Variants in MICAL2 observed in about 807,000 individuals in gnomAD.
The protein encoded by MICAL2 is microtubule associated monooxygenase, calponin and LIM domain containing 2.
A neutral mutation model predicts 127.3 loss-of-function variants in MICAL2; 77 were observed. The ratio of observed to expected loss-of-function variants is 0.60; its 90% CI spans 0.50 to 0.73. The LOEUF is 0.73. Ranked by LOEUF, MICAL2 falls within the 30% of genes least tolerant of loss-of-function variation. The pLI is 0.00. For synonymous variants in MICAL2, 570 were observed against 551.1 expected (o/e 1.03, Z -0.48); for missense variants, 1,351 against 1,434.4 (o/e 0.94, Z 0.94).
chr11:12,332,690 C>T (rs980538671), intron 32 of MICAL2, among the ~76,000 whole-genome samples: 1 of 152,140 alleles, frequency 6.6e-6, no homozygotes, highest in Non-Finnish European at 1.5e-5. Flanking sequence ...GGCACCTGTG[C>T]GTGCAGTGAG....
chr11:12,276,476 C>G (rs1221694950), intron 1 of MICAL2: 2 of 212,784 alleles, frequency 9.4e-6, no homozygotes, highest in Non-Finnish European at 1.8e-5. Context: ...GTCATGCTGA[C>G]TGTAGTGAGG....
At chr11:12,296,895 A>T (rs960373283), downstream of MICAL2, among the ~76,000 whole-genome samples, 1 of 152,000 alleles carries the variant, frequency 6.6e-6, no homozygotes, top group African/African-American at 2.4e-5. Context: ...CTTTTGTTTT[A>T]TAGCTGTACA....
chr11:12,262,566 G>C, intron 27 of MICAL2, 29 bp downstream of exon 27: 1 of 1,585,078 alleles, frequency 6.3e-7, no homozygotes, highest in South Asian at 1.1e-5. Flanking sequence ...AATTTTCAAA[G>C]AGTGGTACTA....
At chr11:12,345,812 C>CT (rs61318401) in intron 32 of MICAL2, among the ~76,000 whole-genome samples, 7,961 of 152,222 alleles carry the variant, frequency 0.052, 338 homozygotes, top group Admixed American at 0.11. Context: ...GAGAGGGTCT[C>CT]TCCATTTTGG....
At chr11:12,147,973 G>A (rs545893108) in intron 2 of MICAL2, among the ~76,000 whole-genome samples, 3 of 152,320 alleles carry the variant, frequency 2.0e-5, no homozygotes, top group Admixed American at 2.0e-4. Context: ...TAGACTCTGA[G>A]TTAGACGAAC....
At chr11:12,139,097 G>A (rs1382525295) in intron 2 of MICAL2, among the ~76,000 whole-genome samples, 1 of 152,110 alleles carries the variant, frequency 6.6e-6, no homozygotes, top group African/African-American at 2.4e-5. Context: ...TGCCAAACAG[G>A]GAGACTGAGG....
intron 26 of MICAL2, chr11:12,262,111 T>G: frequency 8.7e-7 from 1 of 1,143,726 alleles, no homozygotes; most frequent in South Asian, 2.2e-5. Flanking sequence ...CTCTGAGATG[T>G]TGAACCTTTC....
intron 33 of MICAL2, among the ~76,000 whole-genome samples, chr11:12,350,469 C>T (rs774478404): frequency 1.9e-4 from 29 of 152,162 alleles, no homozygotes; most frequent in Non-Finnish European, 8.8e-5. Flanking sequence ...CTATACCTGT[C>T]ATCATTCTAG....
intron 32 of MICAL2, among the ~76,000 whole-genome samples, chr11:12,331,351 T>A (rs1157927825): frequency 6.6e-6 from 1 of 152,218 alleles, no homozygotes; most frequent in Non-Finnish European, 1.5e-5. Flanking sequence ...TTACCAGCTT[T>A]GGGGAAGATT....
At chr11:12,248,655 A>G (rs781261033) in intron 21 of MICAL2, among the ~76,000 whole-genome samples, 14 of 139,778 alleles carry the variant, frequency 1.0e-4, no homozygotes, top group Non-Finnish European at 1.7e-4. Flanking sequence ...GTTTGTTTTA[A>G]AACTGGATTT....
At chr11:12,318,969 C>A (rs1304837392) in intron 29 of MICAL2, among the ~76,000 whole-genome samples, 1 of 152,324 alleles carries the variant, frequency 6.6e-6, no homozygotes, top group East Asian at 1.9e-4. Flanking sequence ...CCATCCCTAT[C>A]TTAAACTGCC....
At chr11:12,292,818 C>T (rs1360594591), downstream of MICAL2, among the ~76,000 whole-genome samples, 8 of 152,194 alleles carry the variant, frequency 5.3e-5, no homozygotes, top group East Asian at 1.9e-4. Context: ...GTAGAATGCA[C>T]AAGACAGAAA....
At chr11:12,351,898 C>G (rs1419046386) in intron 33 of MICAL2, among the ~76,000 whole-genome samples, 1 of 151,434 alleles carries the variant, frequency 6.6e-6, no homozygotes, top group Non-Finnish European at 1.5e-5. Flanking sequence ...TCAAGTGATT[C>G]TTCTGCCTCA....
At chr11:12,205,528 G>A (rs1854570819) in intron 4 of MICAL2, among the ~76,000 whole-genome samples, 1 of 152,134 alleles carries the variant, frequency 6.6e-6, no homozygotes, top group African/African-American at 2.4e-5. Flanking sequence ...ATATACTCAG[G>A]GATGATTGTA....
At position 12,340,246 on chromosome 11, in the gene MICAL2, C is replaced by T. The variant is rs937386390; in HGVS notation, c.5516-9592C>T. On this transcript the variant is annotated intron_variant, in intron 32 of 34. Transcript: ENST00000646065. ...ACCCAATATAAATATAGACAAATGA[C>T]ATAAATATTCTCTTCACAGAAGAAT... Among the ~76,000 whole-genome samples the T allele has an allele frequency of 2.6e-5, 4 of 152,156 alleles. No individual in the cohort carries two copies. The East Asian group carries it at 7.7e-4, about 29-fold the overall frequency.
At chr11:12,320,409 A>T (rs949525082) in intron 30 of MICAL2, among the ~76,000 whole-genome samples, 4 of 152,176 alleles carry the variant, frequency 2.6e-5, no homozygotes, top group Non-Finnish European at 5.9e-5. Flanking sequence ...CAAACATTTT[A>T]TATGTTTATA....
upstream of MICAL2, among the ~76,000 whole-genome samples, chr11:12,275,578 G>C (rs190041586): frequency 1.3e-5 from 2 of 152,182 alleles, no homozygotes; most frequent in East Asian, 3.8e-4. Flanking sequence ...TTTCTAGGAC[G>C]GAGTGACCAG....
At chr11:12,119,837 C>G (rs1037682000) in intron 1 of MICAL2, among the ~76,000 whole-genome samples, 2 of 152,136 alleles carry the variant, frequency 1.3e-5, no homozygotes, top group African/African-American at 2.4e-5. Context: ...TCATCCTGGC[C>G]ACCTTGTTTT....
rs934366433 is a variant in MICAL2 at position 12,239,322 on chromosome 11, C to T, written c.2065-114C>T. On this transcript the variant is annotated intron_variant, in intron 16 of 27. Coordinates refer to ENST00000683283, the MANE Select transcript of MICAL2 (RefSeq NM_001282663.2). Reference sequence around the variant, plus strand: ...CTGCCTCTGCCTCCCTTCCTCAGACCATGGAGGGAGCCCTTCTGCGGGAAG... The same window carrying T: ...CTGCCTCTGCCTCCCTTCCTCAGACTATGGAGGGAGCCCTTCTGCGGGAAG... The T allele has an allele frequency of 1.1e-5, 16 of 1,422,800 alleles. No homozygotes were observed. In the African/African-American group the frequency reaches 2.3e-4, roughly 20 times the overall value. 88.1% of individuals were successfully genotyped at this position (1,422,800 alleles called of 1,614,324 possible). A position where few individuals can be genotyped will look rare whatever the true frequency, so the allele number is the denominator to read the frequency against.
Sources: gnomAD v4.1 joint callset for allele counts (sites outside exome capture counted in the v4.1 genomes callset) on GRCh38, gnomAD v4.1.1 for gene constraint, MANE v1.5 for transcripts, NCBI Gene and HGNC (gene_info 2026-07-23, HGNC 2026-07-21) for gene names.